CCDC192: variants seen among roughly 807,000 people sequenced by gnomAD.
The protein encoded by CCDC192 is coiled-coil domain-containing protein 192.
chr5:127,723,704 A>G (rs1424462273), intron 2 of CCDC192, among the ~76,000 whole-genome samples: 1 of 152,206 alleles, frequency 6.6e-6, no homozygotes, highest in Non-Finnish European at 1.5e-5. Context: ...GGAAGTTGGC[A>G]GAGAATGCAG....
chr5:127,860,271 A>C (rs1408878819), intron 5 of CCDC192, among the ~76,000 whole-genome samples: 1 of 152,248 alleles, frequency 6.6e-6, no homozygotes, highest in Non-Finnish European at 1.5e-5. Flanking sequence ...CATATAGTAC[A>C]TACTCCATAA....
intron 2 of CCDC192, among the ~76,000 whole-genome samples, chr5:127,732,783 CT>C (rs1171127574): frequency 1.1e-4 from 17 of 152,032 alleles, no homozygotes; most frequent in Non-Finnish European, 2.4e-4. Context: ...TAAGTGGGAG[CT>C]GAATGATGAG....
intron 5 of CCDC192, among the ~76,000 whole-genome samples, chr5:127,811,286 C>G (rs532086156): frequency 6.6e-6 from 1 of 152,268 alleles, no homozygotes; most frequent in African/African-American, 2.4e-5. Flanking sequence ...ATTAATGAGA[C>G]CAGGTTTCCC....
chr5:127,731,402 G>C (rs962935108), intron 2 of CCDC192, among the ~76,000 whole-genome samples: 1 of 152,104 alleles, frequency 6.6e-6, no homozygotes, highest in Non-Finnish European at 1.5e-5. Flanking sequence ...CATGCTCACA[G>C]ATAGGAAGAA....
In CCDC192 at chr5:127,855,141, T is replaced by C. The variant is rs190990238; in HGVS notation, c.412-20397T>C. ...GGATGTTTGCTGCACTGATTGACTC[T>C]TGCTTTCGTGAAAGATTCTGTAGTA... is the stretch of plus-strand genomic sequence containing the variant. On this transcript the variant is annotated intron_variant, in intron 5 of 6. Transcript: ENST00000514853. Among the ~76,000 whole-genome samples, 580 of 152,316 alleles carry C rather than the reference T, an allele frequency of 3.8e-3. 1 individual carries two copies. The highest frequency in any genetic ancestry group is 0.014 in the Middle Eastern group (4 of 294).
rs1561444898 is a variant in CCDC192 at position 127,719,524 on chromosome 5, T to TATATATATATATATACACAC, written c.114+11765_114+11766insTATATATATATATACACACA. ...ACACATACATATATATATATATATA[T>TATATATATATATATACACAC]ACACACATACATATATATATATATA... is the stretch of plus-strand genomic sequence containing the variant. On this transcript the variant is annotated intron_variant, in intron 2 of 6. Transcript: ENST00000514853. 1.0e-4 allele frequency among the ~76,000 whole-genome samples: 9 copies of TATATATATATATATACACAC among 88,218 alleles called. No homozygotes were observed. In the East Asian group the frequency reaches 1.6e-3, roughly 16 times the overall value. The allele number at this position is 88,218 out of a possible 152,430, so 57.9% of individuals were successfully genotyped here.
At chr5:127,886,983 G>A (rs1050510153) in intron 6 of CCDC192, among the ~76,000 whole-genome samples, 3 of 151,776 alleles carry the variant, frequency 2.0e-5, no homozygotes, top group African/African-American at 7.3e-5. Context: ...ACAGATCAAG[G>A]GGATAAAACT....
At chr5:127,940,408 C>G (rs1754353870) in intron 6 of CCDC192, 1 of 152,038 alleles carries the variant, frequency 6.6e-6, no homozygotes, top group Non-Finnish European at 1.5e-5. Flanking sequence ...CTCATTATCA[C>G]TTTCCCCAGA....
At position 127,779,950 on chromosome 5, in the gene CCDC192, C is replaced by A. The variant is rs758699002; in HGVS notation, c.223-17153C>A. On this transcript the variant is annotated intron_variant, in intron 3 of 6. Coordinates refer to ENST00000514853, the MANE Select transcript of CCDC192 (RefSeq NM_001317938.2). ...TTCTTATACTTTTGCATCCTCATAG[C>A]TTAGCTCCCATGTATCAGTGAGAAC... is the stretch of plus-strand genomic sequence containing the variant. Among the ~76,000 whole-genome samples, 5 of 152,132 alleles carry A rather than the reference C, an allele frequency of 3.3e-5. No homozygotes were observed. The East Asian group carries it at 9.7e-4, about 29-fold the overall frequency.
intron 5 of CCDC192, among the ~76,000 whole-genome samples, chr5:127,839,501 T>C (rs1750186439): frequency 6.6e-6 from 1 of 152,262 alleles, no homozygotes; most frequent in East Asian, 1.9e-4. Flanking sequence ...AATTCTTTCT[T>C]AAATTTTCTA....
chr5:127,736,637 T>A (rs974045280), intron 2 of CCDC192, among the ~76,000 whole-genome samples: 1 of 151,908 alleles, frequency 6.6e-6, no homozygotes, highest in African/African-American at 2.4e-5. Flanking sequence ...GAGATTCAGC[T>A]TCTTCCTGGT....
chr5:127,895,054 T>TA (rs1211298246), intron 6 of CCDC192, among the ~76,000 whole-genome samples: 11 of 152,322 alleles, frequency 7.2e-5, no homozygotes, highest in African/African-American at 2.6e-4. Context: ...GTTACGTAAG[T>TA]AAGCGTGTGC....
chr5:127,833,273 A>C (rs996583368), intron 5 of CCDC192, among the ~76,000 whole-genome samples: 2 of 152,142 alleles, frequency 1.3e-5, no homozygotes, highest in Admixed American at 6.5e-5. Flanking sequence ...GAATTATTTT[A>C]TTAAAATTGC....
At chr5:127,923,862 A>G (rs1753799624) in intron 6 of CCDC192, among the ~76,000 whole-genome samples, 1 of 152,230 alleles carries the variant, frequency 6.6e-6, no homozygotes, top group Non-Finnish European at 1.5e-5. Context: ...CTTTCAGACA[A>G]TGCCTTATGA....
chr5:127,738,294 A>G (rs1223789834), intron 2 of CCDC192, among the ~76,000 whole-genome samples: 3 of 132,728 alleles, frequency 2.3e-5, no homozygotes, highest in East Asian at 2.2e-4. Flanking sequence ...TTCTGCCAAG[A>G]GATCCGCTGT....
intron 3 of CCDC192, among the ~76,000 whole-genome samples, chr5:127,772,874 G>T (rs1331978500): frequency 6.6e-6 from 1 of 152,182 alleles, no homozygotes; most frequent in Non-Finnish European, 1.5e-5. Flanking sequence ...GGAAATAGAT[G>T]ATCAGTATCT....
chr5:127,771,265 G>C (rs1338397315), intron 3 of CCDC192, among the ~76,000 whole-genome samples: 1 of 152,198 alleles, frequency 6.6e-6, no homozygotes, highest in Admixed American at 6.5e-5. Context: ...GGAAGAGACA[G>C]AATACTATGA....
intron 2 of CCDC192, among the ~76,000 whole-genome samples, chr5:127,752,919 C>T (rs902340213): frequency 5.9e-5 from 9 of 152,338 alleles, no homozygotes; most frequent in South Asian, 2.1e-4. Flanking sequence ...GGAAAGGGAA[C>T]TCCCTGACCC....
In CCDC192 at chr5:127,817,196, G is replaced by A. The variant is rs79321496; in HGVS notation, c.411+19034G>A. On this transcript the variant is annotated intron_variant, in intron 5 of 6. Transcript: ENST00000514853. ...GAGGAAATAGTGACACCCTAATAAA[G>A]TGATTCTCAAATTTAGTGAGTCTTA... 4.6e-3 allele frequency among the ~76,000 whole-genome samples: 701 copies of A among 152,248 alleles called. 4 individuals are homozygous for A. The highest frequency in any genetic ancestry group is 0.016 in the African/African-American group (675 of 41,532).
Sources: allele counts gnomAD v4.1 joint callset (sites outside exome capture counted in the v4.1 genomes callset), GRCh38; gene constraint gnomAD v4.1.1; transcripts MANE v1.5; gene names NCBI Gene and HGNC (gene_info 2026-07-23, HGNC 2026-07-21).